TENM1: variants seen among roughly 807,000 people sequenced by gnomAD.
The protein encoded by TENM1 is teneurin transmembrane protein 1, also known as teneurin-1.
In TENM1, 35 loss-of-function variants were observed where a neutral mutation model predicts 174.8. The observed-to-expected ratio is 0.20, with a 90% confidence interval of 0.15 to 0.27. The LOEUF (loss-of-function observed/expected upper bound fraction) is 0.27, where lower values mean the gene tolerates loss of function less well. Among genes scored for constraint, TENM1 ranks in the 10% least tolerant of loss-of-function variants. The pLI is 1.00. For missense variants in TENM1, 1,633 were observed against 2,130.1 expected, an observed-to-expected ratio of 0.77 and a Z score of 4.59; for synonymous variants, 781 against 798.7, an observed-to-expected ratio of 0.98 and a Z score of 0.37.
chrX:124,941,547 A>G (rs1488505570), intron 1 of TENM1, among the ~76,000 whole-genome samples: 1 of 112,189 alleles, frequency 8.9e-6, no homozygotes, highest in Non-Finnish European at 1.9e-5. Context: ...TGTATCAACA[A>G]TATCCAGATC....
chrX:124,923,399 C>T (rs906708160), intron 1 of TENM1, among the ~76,000 whole-genome samples: 13 of 111,742 alleles, frequency 1.2e-4, no homozygotes, highest in African/African-American at 1.9e-4. Context: ...AGCTAAAATG[C>T]GTAAATCTGA....
chrX:125,017,912 A>G, the TENM1 span, among the ~76,000 whole-genome samples: 1 of 111,367 alleles, frequency 9.0e-6, no homozygotes, highest in African/African-American at 3.3e-5. Context: ...AGAAATACCT[A>G]ATGTAGAGGA....
intron 3 of TENM1, among the ~76,000 whole-genome samples, chrX:124,831,232 C>A (rs768599087): frequency 2.1e-4 from 23 of 110,924 alleles, no homozygotes; most frequent in Non-Finnish European, 3.2e-4. Context: ...TCCTAGGCAT[C>A]CTCTCTCTCT....
chrX:124,655,847 T>G (rs1366081686), intron 6 of TENM1, among the ~76,000 whole-genome samples: 1 of 112,257 alleles, frequency 8.9e-6, no homozygotes, highest in African/African-American at 3.2e-5. Flanking sequence ...GGACCTTATT[T>G]TTCACTGAAA....
the TENM1 span, among the ~76,000 whole-genome samples, chrX:125,047,623 G>A: frequency 1.3e-4 from 14 of 110,959 alleles, no homozygotes; most frequent in African/African-American, 2.3e-4. Flanking sequence ...CATGGAACAC[G>A]GCTCCTAGAA....
chrX:124,402,804 C>T (rs767644450), intron 27 of TENM1, among the ~76,000 whole-genome samples: 1 of 110,131 alleles, frequency 9.1e-6, no homozygotes, highest in African/African-American at 3.3e-5. Flanking sequence ...TCCATGAGGT[C>T]GATAAGCCAT....
chrX:125,109,050 T>C, the TENM1 span, among the ~76,000 whole-genome samples: 2 of 111,263 alleles, frequency 1.8e-5, no homozygotes, highest in Non-Finnish European at 3.8e-5. Context: ...TCCCTTTCTT[T>C]CCATTACTTG....
intron 6 of TENM1, among the ~76,000 whole-genome samples, chrX:124,657,894 CT>C (rs1316338359): frequency 8.9e-6 from 1 of 112,153 alleles, no homozygotes; most frequent in Non-Finnish European, 1.9e-5. Flanking sequence ...CATATTTGTC[CT>C]TTACTTCACC....
At chrX:124,851,810 C>T (rs188914303) in intron 3 of TENM1, among the ~76,000 whole-genome samples, 52 of 111,435 alleles carry the variant, frequency 4.7e-4, no homozygotes, top group African/African-American at 1.4e-3. Context: ...ATCTCCTTAG[C>T]TAGACTATCT....
chrX:124,928,389 T>C (rs1249637001), intron 1 of TENM1, among the ~76,000 whole-genome samples: 1 of 112,053 alleles, frequency 8.9e-6, no homozygotes, highest in East Asian at 2.8e-4. Flanking sequence ...ACATCAAACT[T>C]AGATGGAAAA....
chrX:124,554,951 C>T (rs772158095), intron 14 of TENM1, among the ~76,000 whole-genome samples: 6 of 111,904 alleles, frequency 5.4e-5, no homozygotes, highest in Admixed American at 9.5e-5. Flanking sequence ...CTTGGACAAA[C>T]GTGATAAATA....
At chrX:124,523,657 C>T (rs1436692484) in intron 16 of TENM1, 32 bp from the exon 20 acceptor site, 1 of 1,182,713 alleles carries the variant, frequency 8.5e-7, no homozygotes, top group South Asian at 1.9e-5. Context: ...CAGTTGCAAT[C>T]AAATGAAAAA....
At chrX:125,137,175 G>A in the TENM1 span, among the ~76,000 whole-genome samples, 1 of 111,036 alleles carries the variant, frequency 9.0e-6, no homozygotes, top group Non-Finnish European at 1.9e-5. Context: ...CGTATATAAA[G>A]TGCCTACCAG....
the TENM1 span, among the ~76,000 whole-genome samples, chrX:125,052,977 T>G: frequency 1.8e-5 from 2 of 112,359 alleles, no homozygotes; most frequent in African/African-American, 6.4e-5. Flanking sequence ...TGTGAAATGA[T>G]TACCATAATC....
intron 20 of TENM1, among the ~76,000 whole-genome samples, chrX:124,491,206 G>T (rs2047059258): frequency 8.9e-6 from 1 of 112,052 alleles, no homozygotes; most frequent in African/African-American, 3.2e-5. Flanking sequence ...AGATGCAACG[G>T]ATCTTGAGAA....
chrX:125,038,689 C>T, the TENM1 span, among the ~76,000 whole-genome samples: 1 of 110,810 alleles, frequency 9.0e-6, no homozygotes, highest in African/African-American at 3.3e-5. Context: ...TGTAAGTTGG[C>T]CTATAAATCT....
chrX:125,046,507 C>T, the TENM1 span, among the ~76,000 whole-genome samples: 6 of 112,206 alleles, frequency 5.3e-5, no homozygotes, highest in Non-Finnish European at 1.1e-4. Flanking sequence ...TAAAGCCAAG[C>T]ACTAATGAGA....
At chrX:125,173,165 C>T in the TENM1 span, among the ~76,000 whole-genome samples, 1 of 111,586 alleles carries the variant, frequency 9.0e-6, no homozygotes, top group East Asian at 2.8e-4. Flanking sequence ...TATAAACAGA[C>T]ATGAAAACAC....
chrX:125,138,346 G>A, the TENM1 span, among the ~76,000 whole-genome samples: 1 of 110,292 alleles, frequency 9.1e-6, no homozygotes, highest in Non-Finnish European at 1.9e-5. Context: ...TTTAGGATTT[G>A]GGAAGCAAGG....
Sources: gnomAD v4.1 joint callset for allele counts (sites outside exome capture counted in the v4.1 genomes callset) on GRCh38, gnomAD v4.1.1 for gene constraint, MANE v1.5 for transcripts, NCBI Gene and HGNC (gene_info 2026-07-23, HGNC 2026-07-21) for gene names.